Variants in JAG2 observed in about 807,000 individuals in gnomAD.
JAG2 encodes the protein jagged canonical Notch ligand 2, also known as protein jagged-2.
A neutral mutation model predicts 141.7 loss-of-function variants in JAG2; 46 were observed. The ratio of observed to expected loss-of-function variants is 0.32; its 90% CI spans 0.26 to 0.42. JAG2 has a LOEUF of 0.42. Ranked by LOEUF, JAG2 falls within the 10% of genes least tolerant of loss-of-function variation. JAG2 has a pLI of 1.00. For missense variants in JAG2, 1,500 were observed against 1,817.5 expected (o/e 0.83, Z 3.18); for synonymous variants, 862 against 763.5 (o/e 1.13, Z -2.13).
intron 2 of JAG2, among the ~76,000 whole-genome samples, chr14:105,165,141 T>C (rs1407036026): frequency 6.6e-6 from 1 of 151,544 alleles, no homozygotes; most frequent in Non-Finnish European, 1.5e-5. Flanking sequence ...AGGCACGACT[T>C]CCAGCTGCAC....
Position 105,147,323 on chromosome 14 carries a change from C to A in JAG2, c.2479+3G>T. The stretch of plus-strand genomic sequence containing the variant: ...CCAGGGCTGGGGCTGTCTGGCCACT[C>A]ACTGATGCGGCAGTCAGGCCCCGCG... On this transcript the variant is annotated splice_donor_region_variant and intron_variant, in intron 20 of 25. Transcript: ENST00000331782. 6.4e-7 allele frequency: 1 copy of A among 1,553,710 alleles called. No individual in the cohort carries two copies. Among genetic ancestry groups the A allele is most frequent in the South Asian group, 1.2e-5 (1 of 84,448 alleles).
intron 18 of JAG2, 54 bp downstream of exon 18, chr14:105,147,718 G>A (rs1888270662): frequency 2.3e-6 from 3 of 1,304,206 alleles, no homozygotes; most frequent in East Asian, 2.5e-5. Context: ...CGGGGGCAGG[G>A]ATGTCATCTG....
In JAG2 at chr14:105,167,708, C is replaced by A; in HGVS notation, c.417+49G>T. On this transcript the variant is annotated intron_variant, in intron 2 of 25. Transcript: ENST00000331782. This position sits in a 1 kb window ranked among gnomAD's most constrained non-coding sequence, Gnocchi z 4.8. ...GGTCGCGAAGCGCGCGGGGCCGGGG[C>A]GCGGAGAGAGAGGGAAGGGCTGGAG... 2 of 1,380,884 alleles carry A rather than the reference C, an allele frequency of 1.4e-6. No homozygotes were observed. Among genetic ancestry groups the A allele is most frequent in the South Asian group, 1.6e-5 (1 of 63,660 alleles). The allele number at this position is 1,380,884 out of a possible 1,614,324, so 85.5% of individuals were successfully genotyped here. A position where few individuals can be genotyped will look rare whatever the true frequency, so the allele number is the denominator to read the frequency against.
At chr14:105,153,525 A>G (rs1013009340) in intron 5 of JAG2, among the ~76,000 whole-genome samples, 2 of 152,088 alleles carry the variant, frequency 1.3e-5, no homozygotes, top group African/African-American at 4.8e-5. Context: ...AGCCCACACC[A>G]GGCCCCCACC....
intron 3 of JAG2, among the ~76,000 whole-genome samples, chr14:105,157,318 G>A (rs996156458): frequency 6.6e-6 from 1 of 151,912 alleles, no homozygotes; most frequent in Admixed American, 6.6e-5. Flanking sequence ...AAGTCATCCC[G>A]TTACCCCTGC....
chr14:105,144,894 G>A, intron 24 of JAG2, 36 bp downstream of exon 24: 1 of 1,591,410 alleles, frequency 6.3e-7, no homozygotes, highest in South Asian at 1.1e-5. Context: ...CGGGACCCAG[G>A]GCCCACCCAG....
Position 105,167,278 on chromosome 14 carries a change from C to A in JAG2, c.417+479G>T, listed in dbSNP as rs769456200. ...GCGTTAGGCGTTAGGCTCTCCCGGG[C>A]CTAGGTCCCACGGCGCCCGCCCGTG... is the stretch of plus-strand genomic sequence containing the variant. On this transcript the variant is annotated intron_variant, in intron 2 of 25. Transcript: ENST00000331782. This position sits in a 1 kb window ranked among gnomAD's most constrained non-coding sequence, Gnocchi z 4.8. 1.3e-5 allele frequency among the ~76,000 whole-genome samples: 2 copies of A among 152,196 alleles called. No individual in the cohort carries two copies. Among genetic ancestry groups the A allele is most frequent in the African/African-American group, 2.4e-5 (1 of 41,466 alleles).
At chr14:105,159,654 C>A (rs1888675438) in intron 2 of JAG2, among the ~76,000 whole-genome samples, 1 of 137,248 alleles carries the variant, frequency 7.3e-6, no homozygotes, top group East Asian at 2.3e-4. Flanking sequence ...TCCATCCACA[C>A]CCCCCAACAG....
rs750513994 is a variant in JAG2 at position 105,148,828 on chromosome 14, C to A, written c.1937G>T (p.Arg646Leu). 1.3e-6 allele frequency: 2 copies of A among 1,596,184 alleles called. No individual in the cohort carries two copies. The highest frequency in any genetic ancestry group is 8.5e-7 in the Non-Finnish European group (1 of 1,172,238). Reference sequence around the variant, plus strand: ...CTCATCGATGCATGTGCCCCCATTGCGGCAGGGCTGGCCCAGGCAGTCGTC... The same window carrying A: ...CTCATCGATGCATGTGCCCCCATTGAGGCAGGGCTGGCCCAGGCAGTCGTC... ...NIDDCLGQPC[R>L]NGGTCIDEVD... The change falls in exon 15 of 26, where the codon CGC becomes CTC. Residue 646 changes from arginine to leucine, a missense_variant. Arg to Leu is a moderately radical substitution (Grantham distance 102). This residue lies in a region of JAG2 where 875 missense variants were observed against 1,202.2 expected (regional missense o/e 0.73). Transcript: ENST00000331782.
rs1187787519 is a variant in JAG2, at chr14:105,155,844, G to A, written c.621C>T (p.Cys207=). 6.2e-7 allele frequency: 1 copy of A among 1,612,462 alleles called. No homozygotes were observed. Among genetic ancestry groups the A allele is most frequent in the Non-Finnish European group, 8.5e-7 (1 of 1,179,834 alleles). Residue 207 remains cysteine (C), a synonymous_variant, in exon 4 of 26, where the codon TGC becomes TGT. Transcript: ENST00000331782. ...CGTTGCGGGGCCGGCAGAACTTGTT[G>A]CAAGTGGCGCTGTAGTAGTTCTCGT... ...RCDENYYSAT[C]NKFCRPRNDF...
In JAG2 at chr14:105,167,743, TG is replaced by T; in HGVS notation, c.417+13del. ...GAGGGAAGGGCTGGAGCACGAGGGA[TG>T]GAGCGCACGTACCGGCCAGGCGAAC... is the stretch of plus-strand genomic sequence containing the variant. On this transcript the variant is annotated intron_variant, in intron 2 of 25. Coordinates refer to ENST00000331782, the MANE Select transcript of JAG2 (RefSeq NM_002226.5). This position sits in a 1 kb window ranked among gnomAD's most constrained non-coding sequence, Gnocchi z 4.8. 1 of 1,447,068 alleles carries T rather than the reference TG, an allele frequency of 6.9e-7. No homozygotes were observed. The highest frequency in any genetic ancestry group is 9.1e-7 in the Non-Finnish European group (1 of 1,101,336). The allele number at this position is 1,447,068 out of a possible 1,614,324, so 89.6% of individuals were successfully genotyped here. A position where few individuals can be genotyped will look rare whatever the true frequency, so the allele number is the denominator to read the frequency against.
intron 23 of JAG2, 66 bp from the exon 24 acceptor site, chr14:105,145,127 T>C: frequency 6.3e-7 from 1 of 1,591,790 alleles, no homozygotes. Context: ...ATCCCTGGAC[T>C]GGCGCTGTGG....
Position 105,155,958 on chromosome 14 carries a change from G to A in JAG2, c.507C>T (p.Ala169=), listed in dbSNP as rs758325228. The A allele has an allele frequency of 1.1e-5, 17 of 1,608,538 alleles. No homozygotes were observed. The highest frequency in any genetic ancestry group is 1.6e-4 in the Middle Eastern group (1 of 6,082). ...EELLIERVSH[A]GMINPEDRWK... ...AGCGGTCCTCCGGGTTGATCATGCC[G>A]GCATGCGACACTCGCTCGATCAGCA... The change falls in exon 4 of 26, where the codon GCC becomes GCT. Residue 169 remains alanine (A), a synonymous_variant. Coordinates refer to ENST00000331782, the MANE Select transcript of JAG2 (RefSeq NM_002226.5).
At chr14:105,168,254 G>T in intron 1 of JAG2, 101 bp downstream of exon 1, 2 of 750,834 alleles carry the variant, frequency 2.7e-6, no homozygotes, top group Non-Finnish European at 3.3e-6. Context: ...AGCCTCGAGG[G>T]CTTCCGAACC....
In JAG2 at chr14:105,145,918, G is replaced by A. The variant is rs2140971662; in HGVS notation, c.2765C>T (p.Ala922Val). Residue 922 changes from alanine to valine, a missense_variant, in exon 23 of 26, where the codon GCC becomes GTC. Physicochemically the swap from Ala to Val is moderately conservative, Grantham distance 64. Transcript: ENST00000331782. The part of the protein sequence containing the change: ...LLAGQPEALS[A>V]QCPLGQRCLE... ...GCACCTTTGCCCCAGTGGGCACTGG[G>A]CGCTCAGGGCCTCGGGCTGGCCGGC... 2 of 1,573,364 alleles carry A rather than the reference G, an allele frequency of 1.3e-6. No individual in the cohort carries two copies. Among genetic ancestry groups the A allele is most frequent in the Non-Finnish European group, 1.7e-6 (2 of 1,160,692 alleles).
Position 105,154,293 on chromosome 14 carries a change from C to T in JAG2, c.788+1269G>A, listed in dbSNP as rs76374618. ...TCCACAGAGGGAGGTCCTGGGACCC[C>T]TGCAATCCAAGGCTGGCTGGAGGGC... On this transcript the variant is annotated intron_variant, in intron 5 of 25. Transcript: ENST00000331782. The surrounding 1 kb of genome is among the most constrained non-coding windows in gnomAD (Gnocchi z 4.4). 5.7e-3 allele frequency among the ~76,000 whole-genome samples: 875 copies of T among 152,316 alleles called. 26 individuals carry two copies. The East Asian group carries it at 0.081, about 14-fold the overall frequency.
In JAG2 at chr14:105,154,615, G is replaced by A. The variant is rs1888527146; in HGVS notation, c.788+947C>T. Among the ~76,000 whole-genome samples the A allele has an allele frequency of 3.3e-5, 5 of 152,196 alleles. No homozygotes were observed. The South Asian group carries it at 1.0e-3, about 32-fold the overall frequency. ...GCCCTTGCTGACTCCTCATCCATCC[G>A]CCCTGACCTGTGGCAGCCGGGACTT... is the stretch of plus-strand genomic sequence containing the variant. On this transcript the variant is annotated intron_variant, in intron 5 of 25. Transcript: ENST00000331782. The surrounding 1 kb of genome is among the most constrained non-coding windows in gnomAD (Gnocchi z 4.4).
At chr14:105,157,682 C>T (rs1347505210) in intron 3 of JAG2, 24 bp downstream of exon 3, 6 of 1,550,248 alleles carry the variant, frequency 3.9e-6, no homozygotes, top group Non-Finnish European at 5.2e-6. Flanking sequence ...AGAGGAGCTG[C>T]CACCTGGCCC....
intron 21 of JAG2, 43 bp downstream of exon 21, chr14:105,146,568 C>T: frequency 1.9e-6 from 3 of 1,600,078 alleles, no homozygotes; most frequent in African/African-American, 1.3e-5. Flanking sequence ...GTCACCCATG[C>T]CCCCCAACCC....
Sources: gnomAD v4.1 joint callset for allele counts (sites outside exome capture counted in the v4.1 genomes callset) on GRCh38, gnomAD v4.1.1 for gene constraint, gnomAD v4.1.1 regional missense constraint, Gnocchi (gnomAD v3.1) non-coding constraint, MANE v1.5 for transcripts, NCBI Gene and HGNC (gene_info 2026-07-23, HGNC 2026-07-21) for gene names.